SDCCAG8: variants seen among roughly 807,000 people sequenced by gnomAD.
The protein encoded by SDCCAG8 is serologically defined colon cancer antigen 8.
Under a neutral mutation model 101.8 loss-of-function variants are expected in SDCCAG8, and 74 were observed. The ratio of observed to expected loss-of-function variants is 0.73; its 90% CI spans 0.60 to 0.88. The LOEUF (loss-of-function observed/expected upper bound fraction) is 0.88. Ranked by LOEUF, SDCCAG8 falls within the 40% of genes least tolerant of loss-of-function variation. The pLI is 0.00. For missense variants in SDCCAG8, 787 were observed against 822.6 expected, an observed-to-expected ratio of 0.96 and a Z score of 0.53; for synonymous variants, 281 against 292.9, an observed-to-expected ratio of 0.96 and a Z score of 0.41.
intron 6 of SDCCAG8, among the ~76,000 whole-genome samples, chr1:243,297,578 G>T (rs1411105498): frequency 6.6e-6 from 1 of 152,216 alleles, no homozygotes; most frequent in Non-Finnish European, 1.5e-5. Context: ...AGTAGTACAT[G>T]AGTGATACCT....
chr1:243,262,471 A>C (rs2067270324), intron 1 of SDCCAG8, among the ~76,000 whole-genome samples: 1 of 152,188 alleles, frequency 6.6e-6, no homozygotes, highest in South Asian at 2.1e-4. Flanking sequence ...TTAAAAGTAC[A>C]ATCTCAATTT....
intron 17 of SDCCAG8, among the ~76,000 whole-genome samples, chr1:243,492,063 G>A (rs1666563814): frequency 6.6e-6 from 1 of 152,036 alleles, no homozygotes; most frequent in African/African-American, 2.4e-5. Flanking sequence ...AGGCTGGCCT[G>A]TGGCCTCCAA....
rs1476780915 is a variant in SDCCAG8 at position 243,274,629 on chromosome 1, T to C, written c.393T>C (p.His131=). Residue 131 remains histidine, a synonymous_variant, in exon 4 of 18, where the codon CAT becomes CAC. Coordinates refer to ENST00000366541, the MANE Select transcript of SDCCAG8 (RefSeq NM_006642.5). The part of the protein sequence containing the change: ...TINDQSQYIH[H]LEAEVKFCKE... ...ATGACCAGTCTCAATATATTCATCA[T>C]TTAGAGGCAGAAGTTAAGTTCTGCA... is the stretch of plus-strand genomic sequence containing the variant. 6 of 1,605,806 alleles carry C rather than the reference T, an allele frequency of 3.7e-6. No individual in the cohort carries two copies. In the East Asian group the frequency reaches 8.9e-5, roughly 24 times the overall value.
intron 13 of SDCCAG8, among the ~76,000 whole-genome samples, chr1:243,410,256 G>A (rs1188181919): frequency 6.6e-6 from 1 of 152,176 alleles, no homozygotes; most frequent in East Asian, 1.9e-4. Flanking sequence ...CCTGTCCCCT[G>A]GAGCCCTGTT....
chr1:243,368,090 C>T (rs987884935), intron 12 of SDCCAG8, among the ~76,000 whole-genome samples: 6 of 151,906 alleles, frequency 3.9e-5, no homozygotes, highest in Admixed American at 2.0e-4. Context: ...GTGACACAGA[C>T]GTGTAGTCCC....
intron 17 of SDCCAG8, among the ~76,000 whole-genome samples, chr1:243,499,115 T>C (rs908677991): frequency 6.6e-5 from 10 of 152,204 alleles, no homozygotes; most frequent in African/African-American, 2.4e-4. Context: ...GGAACAGTAT[T>C]CAATACTTTC....
intron 10 of SDCCAG8, among the ~76,000 whole-genome samples, chr1:243,333,846 A>T (rs2074802415): frequency 6.6e-6 from 1 of 152,200 alleles, no homozygotes; most frequent in Non-Finnish European, 1.5e-5. Context: ...GCAGCTTGAT[A>T]GGAGGTTCTG....
intron 16 of SDCCAG8, among the ~76,000 whole-genome samples, chr1:243,449,323 T>C (rs1169593725): frequency 2.0e-5 from 3 of 152,256 alleles, no homozygotes; most frequent in Admixed American, 1.3e-4. Context: ...ATGAATTATA[T>C]ATTTTCCAAG....
chr1:243,296,314 G>T (rs2070870503), intron 6 of SDCCAG8, among the ~76,000 whole-genome samples: 1 of 152,018 alleles, frequency 6.6e-6, no homozygotes, highest in South Asian at 2.1e-4. Flanking sequence ...ATTCTTAGCA[G>T]AATATATTCT....
At position 243,304,795 on chromosome 1, in the gene SDCCAG8, AT is replaced by A; in HGVS notation, c.740+21del. 1 of 1,378,838 alleles carries A rather than the reference AT, an allele frequency of 7.3e-7. No individual in the cohort carries two copies. Among genetic ancestry groups the A allele is most frequent in the Non-Finnish European group, 1.0e-6 (1 of 965,962 alleles). 85.4% of individuals were successfully genotyped at this position (1,378,838 alleles called of 1,614,324 possible). On this transcript the variant is annotated intron_variant, in intron 7 of 17. Coordinates refer to ENST00000366541, the MANE Select transcript of SDCCAG8 (RefSeq NM_006642.5). ...TTTTTGAGGTAAAGTGAAATCGTCC[AT>A]TTATAGTCATACCAAAAGCATAATG...
In SDCCAG8 at chr1:243,378,466, A is replaced by G. The variant is rs543952778; in HGVS notation, c.1474-255A>G. Among the ~76,000 whole-genome samples, 9 of 152,296 alleles carry G rather than the reference A, an allele frequency of 5.9e-5. No homozygotes were observed. In the South Asian group the frequency reaches 1.0e-3, roughly 18 times the overall value. ...GAACGACTCTTAGAATGAAAGTGCA[A>G]TTATCCACTTTGACTACTCTCATTT... On this transcript the variant is annotated intron_variant, in intron 12 of 17. Transcript: ENST00000366541.
rs183869854 is a variant in SDCCAG8, at chr1:243,290,695, G to T, written c.547-2396G>T. Among the ~76,000 whole-genome samples, 3 of 152,272 alleles carry T rather than the reference G, an allele frequency of 2.0e-5. No homozygotes were observed. In the East Asian group the frequency reaches 5.8e-4, roughly 29 times the overall value. On this transcript the variant is annotated intron_variant, in intron 5 of 17. Coordinates refer to ENST00000366541, the MANE Select transcript of SDCCAG8 (RefSeq NM_006642.5). ...TCCATACCTCTGTGATGTTTATCAT[G>T]AGGTTCTCTCTTCTTCGAATGCCCT...
chr1:243,323,295 C>T (rs1262420866), intron 9 of SDCCAG8, among the ~76,000 whole-genome samples: 4 of 152,112 alleles, frequency 2.6e-5, no homozygotes, highest in Non-Finnish European at 5.9e-5. Flanking sequence ...CCACTGCTGG[C>T]ACGTCACTTT....
chr1:243,373,854 G>A (rs145909691), intron 12 of SDCCAG8, among the ~76,000 whole-genome samples: 155 of 152,090 alleles, frequency 1.0e-3, no homozygotes, highest in Admixed American at 1.6e-3. Context: ...AAACCCACAC[G>A]TTTATTAACT....
At chr1:243,446,783 G>C (rs568443335) in intron 16 of SDCCAG8, among the ~76,000 whole-genome samples, 17 of 152,096 alleles carry the variant, frequency 1.1e-4, no homozygotes, top group Non-Finnish European at 2.2e-4. Flanking sequence ...CTCATGTACA[G>C]GTTTTCAGGT....
At chr1:243,351,228 C>T (rs1558337627) in intron 12 of SDCCAG8, among the ~76,000 whole-genome samples, 1 of 152,152 alleles carries the variant, frequency 6.6e-6, no homozygotes, top group Non-Finnish European at 1.5e-5. Context: ...GAGTTGCTCT[C>T]CAGTATTCTT....
chr1:243,266,971 G>A (rs1475768991), intron 1 of SDCCAG8, among the ~76,000 whole-genome samples: 1 of 148,518 alleles, frequency 6.7e-6, no homozygotes, highest in Non-Finnish European at 1.5e-5. Context: ...AATGCTGGGC[G>A]CGGTGGCTCA....
chr1:243,486,440 C>G lies in SDCCAG8; in HGVS notation c.1986-2574C>G, dbSNP rs114752804. Reference sequence around the variant, plus strand: ...GGGGCTCACACCCAGGCACTTGATTCAGCGGGGTCTGGGTGGTGTCTCCTT... The same window carrying G: ...GGGGCTCACACCCAGGCACTTGATTGAGCGGGGTCTGGGTGGTGTCTCCTT... On this transcript the variant is annotated intron_variant, in intron 16 of 17. Transcript: ENST00000366541. 6.0e-3 allele frequency among the ~76,000 whole-genome samples: 907 copies of G among 152,228 alleles called. 9 individuals are homozygous for G. Among genetic ancestry groups the G allele is most frequent in the African/African-American group, 0.02 (828 of 41,536 alleles).
intron 9 of SDCCAG8, 53 bp downstream of exon 9, chr1:243,316,946 C>A: frequency 6.4e-7 from 1 of 1,557,492 alleles, no homozygotes; most frequent in African/African-American, 1.4e-5. Context: ...TTTCTTTTTT[C>A]TTCTGAGTAT....
Sources: gnomAD v4.1 joint callset for allele counts (sites outside exome capture counted in the v4.1 genomes callset) on GRCh38, gnomAD v4.1.1 for gene constraint, MANE v1.5 for transcripts, NCBI Gene and HGNC (gene_info 2026-07-23, HGNC 2026-07-21) for gene names.